ATP8B4: variants seen among roughly 807,000 people sequenced by gnomAD.
ATP8B4 encodes probable phospholipid-transporting ATPase IM.
Under a neutral mutation model 145.6 loss-of-function variants are expected in ATP8B4, and 133 were observed. The observed-to-expected ratio is 0.91, with a 90% CI of 0.79 to 1.05. The LOEUF is 1.05. Among genes scored for constraint, ATP8B4 ranks in the 50% least tolerant of loss-of-function variants. The pLI is 0.00. For missense variants in ATP8B4, 1,458 were observed against 1,425.2 expected (o/e 1.02, Z -0.37); for synonymous variants, 507 against 492.9 (o/e 1.03, Z -0.38).
At chr15:50,000,217 G>A (rs969396526) in intron 8 of ATP8B4, among the ~76,000 whole-genome samples, 6 of 152,184 alleles carry the variant, frequency 3.9e-5, no homozygotes, top group African/African-American at 1.2e-4. Flanking sequence ...ATGCCCAGGG[G>A]TGAAATTGTT....
intron 1 of ATP8B4, among the ~76,000 whole-genome samples, chr15:50,135,757 A>T (rs1192611177): frequency 6.6e-6 from 1 of 152,228 alleles, no homozygotes; most frequent in Non-Finnish European, 1.5e-5. Flanking sequence ...ATGCCGTTGA[A>T]GCAGAGTACC....
intron 13 of ATP8B4, among the ~76,000 whole-genome samples, chr15:49,962,980 C>T (rs1236150307): frequency 6.6e-6 from 1 of 151,964 alleles, no homozygotes; most frequent in Non-Finnish European, 1.5e-5. Flanking sequence ...GAACAGACAA[C>T]CTACAGAATG....
intron 2 of ATP8B4, among the ~76,000 whole-genome samples, chr15:50,079,138 A>G (rs559338029): frequency 1.0e-3 from 156 of 152,346 alleles, no homozygotes; most frequent in African/African-American, 3.7e-3. Flanking sequence ...CCCATTTTAC[A>G]TGACATGATT....
At chr15:50,172,234 A>ACCTCCCTGCCT (rs1337253743) in intron 1 of ATP8B4, among the ~76,000 whole-genome samples, 1 of 151,932 alleles carries the variant, frequency 6.6e-6, no homozygotes, top group Non-Finnish European at 1.5e-5. Context: ...GCTCACTGCA[A>ACCTCCCTGCCT]CCTCCCTGCC....
At chr15:50,109,676 T>C (rs1032642177) in intron 1 of ATP8B4, among the ~76,000 whole-genome samples, 1 of 151,602 alleles carries the variant, frequency 6.6e-6, no homozygotes, top group Admixed American at 6.6e-5. Flanking sequence ...ACAGCGGCAA[T>C]GAGAATGCAA....
At chr15:49,998,050 C>CA (rs112955903) in intron 8 of ATP8B4, among the ~76,000 whole-genome samples, 10,146 of 152,024 alleles carry the variant, frequency 0.067, 370 homozygotes, top group Non-Finnish European at 0.085. Context: ...ATAGTCACAC[C>CA]AAAAAAGCCA....
At position 49,931,122 on chromosome 15, in the gene ATP8B4, T is replaced by G; in HGVS notation, c.1639A>C (p.Ile547Leu). ...FNNTRKRMSV[I>L]VRNPEGQIKL... is the part of the protein sequence containing the mutation. ...TAGTCTTAGCTACCAACCATACCTA[T>G]GACAGACATCCTTTTTCTGGTGTTG... is the stretch of plus-strand genomic sequence containing the variant. Residue 547 changes from isoleucine (I) to leucine (L), a missense_variant, in exon 16 of 28, where the codon ATA becomes CTA. By Grantham distance (5) the Ile-to-Leu change is conservative. Coordinates refer to ENST00000284509, the MANE Select transcript of ATP8B4 (RefSeq NM_024837.4). 1.2e-6 allele frequency: 2 copies of G among 1,609,796 alleles called. No homozygotes were observed. The highest frequency in any genetic ancestry group is 2.2e-5 in the South Asian group (2 of 90,848).
rs893609737 is a variant in ATP8B4, at chr15:49,867,064, A to C, written c.3028-580T>G. On this transcript the variant is annotated intron_variant, in intron 25 of 27. Transcript: ENST00000284509. ...CTGGGATTCACAATGGCCTGGAAGC[A>C]TGGTCACGAGCTCTTCTTCCTTCTA... Among the ~76,000 whole-genome samples, 56 of 152,214 alleles carry C rather than the reference A, an allele frequency of 3.7e-4. 1 individual carries two copies. Among genetic ancestry groups the C allele is most frequent in the Admixed American group, 3.6e-3 (55 of 15,280 alleles).
At chr15:50,004,931 G>A (rs553694215) in intron 7 of ATP8B4, among the ~76,000 whole-genome samples, 2 of 152,290 alleles carry the variant, frequency 1.3e-5, no homozygotes, top group African/African-American at 4.8e-5. Context: ...AGAGTGCAAC[G>A]TTGGGTTGGT....
At position 50,089,804 on chromosome 15, in the gene ATP8B4, C is replaced by T. The variant is rs948058246; in HGVS notation, c.29-15619G>A. Among the ~76,000 whole-genome samples the T allele has an allele frequency of 5.3e-5, 8 of 151,932 alleles. No individual in the cohort carries two copies. The East Asian group carries it at 9.6e-4, about 18-fold the overall frequency. On this transcript the variant is annotated intron_variant, in intron 2 of 27. Coordinates refer to ENST00000284509, the MANE Select transcript of ATP8B4 (RefSeq NM_024837.4). Reference sequence around the variant, plus strand: ...CCAACCATTGTGGAAGTCAGTATGGCGATTCCTCAAAGACCTACGGGCAGA... The same window carrying T: ...CCAACCATTGTGGAAGTCAGTATGGTGATTCCTCAAAGACCTACGGGCAGA...
At chr15:50,078,474 T>C (rs563355223) in intron 2 of ATP8B4, among the ~76,000 whole-genome samples, 41 of 151,606 alleles carry the variant, frequency 2.7e-4, no homozygotes, top group African/African-American at 9.2e-4. Context: ...GAGAGTAGAA[T>C]GGACAAGACG....
At chr15:50,142,177 G>A (rs909886674) in intron 1 of ATP8B4, among the ~76,000 whole-genome samples, 22 of 152,196 alleles carry the variant, frequency 1.4e-4, no homozygotes, top group Non-Finnish European at 2.5e-4. Flanking sequence ...AGTAGGTCCC[G>A]AACAGGAGCC....
chr15:49,873,295 T>C (rs915015173), intron 25 of ATP8B4, among the ~76,000 whole-genome samples: 1 of 152,146 alleles, frequency 6.6e-6, no homozygotes, highest in Non-Finnish European at 1.5e-5. Context: ...GGAGATAACC[T>C]TAGAAAATAA....
At chr15:49,993,727 G>A (rs2047210296) in intron 9 of ATP8B4, among the ~76,000 whole-genome samples, 1 of 152,082 alleles carries the variant, frequency 6.6e-6, no homozygotes, top group South Asian at 2.1e-4. Context: ...GAACTTTAAG[G>A]TAGATTGAAA....
intron 5 of ATP8B4, among the ~76,000 whole-genome samples, chr15:50,039,950 T>C (rs1028666739): frequency 4.6e-5 from 7 of 152,196 alleles, no homozygotes; most frequent in Non-Finnish European, 1.0e-4. Flanking sequence ...GTTTATAATA[T>C]TGGTAAAGAA....
chr15:49,900,449 G>A (rs1355614132), intron 21 of ATP8B4, among the ~76,000 whole-genome samples: 3 of 152,152 alleles, frequency 2.0e-5, no homozygotes, highest in South Asian at 2.1e-4. Flanking sequence ...AATTTCACTG[G>A]AGCGTAATTG....
chr15:50,173,015 G>A (rs1365131233), intron 1 of ATP8B4, among the ~76,000 whole-genome samples: 2 of 144,728 alleles, frequency 1.4e-5, no homozygotes, highest in Admixed American at 6.8e-5. Flanking sequence ...GAGGTGGGGG[G>A]CAGCCCCCAT....
At chr15:50,000,489 C>T (rs554293835) in intron 8 of ATP8B4, among the ~76,000 whole-genome samples, 30 of 152,174 alleles carry the variant, frequency 2.0e-4, no homozygotes, top group Admixed American at 1.7e-3. Flanking sequence ...GCCATTTGTA[C>T]GTCCTCTTTG....
intron 14 of ATP8B4, among the ~76,000 whole-genome samples, chr15:49,961,564 A>C (rs558697662): frequency 6.6e-6 from 1 of 152,336 alleles, no homozygotes; most frequent in African/African-American, 2.4e-5. Flanking sequence ...CTTCATATAA[A>C]TTTTGGAACA....
Sources: allele counts gnomAD v4.1 joint callset (sites outside exome capture counted in the v4.1 genomes callset), GRCh38; gene constraint gnomAD v4.1.1; transcripts MANE v1.5; gene names NCBI Gene and HGNC (gene_info 2026-07-23, HGNC 2026-07-21).